Variants in FBXO4 observed in about 807,000 individuals in gnomAD.
FBXO4 encodes F-box protein 4.
FBXO4 carries 36 observed loss-of-function variants against 43.7 expected under a neutral mutation model. That is an observed-to-expected ratio of 0.82 (90% CI 0.63 to 1.09). The LOEUF is 1.09. FBXO4 is among the 50% of genes least tolerant of loss of function. The pLI, the probability that FBXO4 is intolerant of heterozygous loss-of-function variation, is 0.00. For synonymous variants in FBXO4, 180 were observed against 165.6 expected, an observed-to-expected ratio of 1.09 and a Z score of -0.67; for missense variants, 435 against 474.1, an observed-to-expected ratio of 0.92 and a Z score of 0.77.
chr5:41,998,300 C>A, the FBXO4 span, among the ~76,000 whole-genome samples: 1 of 152,178 alleles, frequency 6.6e-6, no homozygotes, highest in Non-Finnish European at 1.5e-5. Context: ...CAATTACAGG[C>A]GCCTTCAAAG....
chr5:42,019,051 A>C, the FBXO4 span, among the ~76,000 whole-genome samples: 1 of 152,204 alleles, frequency 6.6e-6, no homozygotes, highest in Non-Finnish European at 1.5e-5. Context: ...AAATGAGATT[A>C]GTTTAACTGA....
chr5:42,027,328 A>G, the FBXO4 span, among the ~76,000 whole-genome samples: 8 of 63,796 alleles, frequency 1.3e-4, no homozygotes, highest in Non-Finnish European at 2.2e-4. Context: ...CCAATTAACT[A>G]TGAGCATACA....
At chr5:41,928,726 T>C (rs1460226179) in intron 2 of FBXO4, 1 of 152,482 alleles carries the variant, frequency 6.6e-6, no homozygotes, top group African/African-American at 2.4e-5. Context: ...TAGTGAGGCT[T>C]GGTCAGGTCT....
At chr5:41,946,203 G>A (rs10054482), downstream of FBXO4, among the ~76,000 whole-genome samples, 1,801 of 152,198 alleles carry the variant, frequency 0.012, 39 homozygotes, top group African/African-American at 0.041. Flanking sequence ...ATTATTTCCC[G>A]ACCTGCCGAT....
At chr5:42,017,618 G>T in the FBXO4 span, among the ~76,000 whole-genome samples, 1 of 149,680 alleles carries the variant, frequency 6.7e-6, no homozygotes, top group Non-Finnish European at 1.5e-5. Context: ...GTAGTCCCCA[G>T]TGTCATTGTT....
At chr5:41,948,758 T>G in the FBXO4 span, among the ~76,000 whole-genome samples, 2 of 152,214 alleles carry the variant, frequency 1.3e-5, no homozygotes, top group Non-Finnish European at 1.5e-5. Context: ...TTTTCTGCTA[T>G]AATTTCCCTT....
chr5:41,999,505 GTGTATATATATATATATACATATATA>G, the FBXO4 span, among the ~76,000 whole-genome samples: 1 of 63,362 alleles, frequency 1.6e-5, no homozygotes, highest in Non-Finnish European at 3.0e-5. Context: ...ATATATATAT[GTGTATATATATATATATACATATATA>G]TATACATATA....
chr5:42,036,653 G>A, the FBXO4 span, among the ~76,000 whole-genome samples: 8 of 152,048 alleles, frequency 5.3e-5, no homozygotes, highest in African/African-American at 1.9e-4. Flanking sequence ...GGCCTGAGGG[G>A]GCAGAGTCAC....
the FBXO4 span, among the ~76,000 whole-genome samples, chr5:42,033,431 G>C: frequency 1.1e-3 from 160 of 152,126 alleles, no homozygotes; most frequent in African/African-American, 3.5e-3. Flanking sequence ...GAACGTGTAG[G>C]TTTGTTACAC....
the FBXO4 span, among the ~76,000 whole-genome samples, chr5:41,980,677 C>A: frequency 6.6e-6 from 1 of 151,800 alleles, no homozygotes; most frequent in African/African-American, 2.4e-5. Flanking sequence ...TGTATGCATC[C>A]CTTTCTTTGT....
chr5:41,956,696 AT>A, the FBXO4 span, among the ~76,000 whole-genome samples: 7 of 135,824 alleles, frequency 5.2e-5, no homozygotes, highest in African/African-American at 1.1e-4. Flanking sequence ...CTTGTATGTA[AT>A]TTTTTTTTCT....
the FBXO4 span, among the ~76,000 whole-genome samples, chr5:41,952,363 G>T: frequency 6.6e-6 from 1 of 152,148 alleles, no homozygotes; most frequent in Non-Finnish European, 1.5e-5. Flanking sequence ...GGAATTTGTT[G>T]TTCGTGCCTT....
the FBXO4 span, among the ~76,000 whole-genome samples, chr5:41,963,055 A>G: frequency 5.3e-5 from 8 of 152,042 alleles, no homozygotes; most frequent in African/African-American, 1.9e-4. Context: ...GACTTTACAT[A>G]TTATCTGGCT....
At chr5:42,001,146 C>T in the FBXO4 span, among the ~76,000 whole-genome samples, 99 of 152,258 alleles carry the variant, frequency 6.5e-4, 1 homozygote, top group East Asian at 0.015. Context: ...ACTGCATTGG[C>T]TCTCTAGATC....
the FBXO4 span, among the ~76,000 whole-genome samples, chr5:42,013,320 T>C: frequency 6.6e-6 from 1 of 152,142 alleles, no homozygotes; most frequent in Non-Finnish European, 1.5e-5. Flanking sequence ...TCTATAGCCA[T>C]TCAAATTAAA....
chr5:41,967,854 T>G, the FBXO4 span: 1 of 586,582 alleles, frequency 1.7e-6, no homozygotes, highest in Non-Finnish European at 3.4e-6. Flanking sequence ...AATTCAACAA[T>G]TCTTCCTCTG....
chr5:41,992,824 CA>C, the FBXO4 span, among the ~76,000 whole-genome samples: 1,044 of 152,248 alleles, frequency 6.9e-3, 3 homozygotes, highest in Non-Finnish European at 9.9e-3. Context: ...ATATTTTCAG[CA>C]AGTATGCTGC....
chr5:41,969,142 A>T, the FBXO4 span, among the ~76,000 whole-genome samples: 20 of 152,242 alleles, frequency 1.3e-4, no homozygotes, highest in Admixed American at 5.2e-4. Flanking sequence ...CAGATAGAGC[A>T]GCCAAGGGTT....
chr5:42,032,134 C>G, the FBXO4 span, among the ~76,000 whole-genome samples: 2 of 151,036 alleles, frequency 1.3e-5, no homozygotes, highest in African/African-American at 2.4e-5. Context: ...TGGAGTGACA[C>G]AATCACCCCT....
Sources: allele counts gnomAD v4.1 joint callset (sites outside exome capture counted in the v4.1 genomes callset), GRCh38; gene constraint gnomAD v4.1.1; transcripts MANE v1.5; gene names NCBI Gene and HGNC (gene_info 2026-07-23, HGNC 2026-07-21).